Variants in LDLRAD4 observed in about 807,000 individuals in gnomAD.
LDLRAD4 encodes the protein low-density lipoprotein receptor class A domain-containing protein 4.
Under a neutral mutation model 17.0 loss-of-function variants are expected in LDLRAD4, and 5 were observed. That is an observed-to-expected ratio of 0.29 (90% confidence interval 0.15 to 0.62). LDLRAD4 has a LOEUF of 0.62. LDLRAD4 is among the 20% of genes least tolerant of loss of function. The pLI is 0.84. For synonymous variants in LDLRAD4, 168 were observed against 171.8 expected (o/e 0.98, Z 0.17); for missense variants, 340 against 424.7 (o/e 0.80, Z 1.75).
In LDLRAD4 at chr18:13,621,290, C is replaced by T. The variant is rs2040604330; in HGVS notation, c.336+19C>T. 1 of 1,598,242 alleles carries T rather than the reference C, an allele frequency of 6.3e-7. No individual in the cohort carries two copies. The highest frequency in any genetic ancestry group is 8.5e-7 in the Non-Finnish European group (1 of 1,170,044). The stretch of plus-strand genomic sequence containing the variant: ...GCCGCAGGTGAGTACCCTGGCCGCC[C>T]CGGCTCCAGAGTCAGGCAGCTGCAA... On this transcript the variant is annotated intron_variant, in intron 4 of 5. Transcript: ENST00000359446. This position sits in a 1 kb window ranked among gnomAD's most constrained non-coding sequence, Gnocchi z 5.5.
chr18:13,599,838 A>G (rs1344406690), intron 3 of LDLRAD4, among the ~76,000 whole-genome samples: 1 of 152,204 alleles, frequency 6.6e-6, no homozygotes, highest in Non-Finnish European at 1.5e-5. Flanking sequence ...TTCAAACACA[A>G]TATATATGTG....
At chr18:13,492,717 G>A (rs1394276935) in intron 3 of LDLRAD4, among the ~76,000 whole-genome samples, 1 of 152,180 alleles carries the variant, frequency 6.6e-6, no homozygotes, top group Admixed American at 6.5e-5. Flanking sequence ...AAACTCCTGA[G>A]TCACCTGGGC....
At chr18:13,477,972 T>G (rs890119337) in intron 3 of LDLRAD4, among the ~76,000 whole-genome samples, 1 of 152,140 alleles carries the variant, frequency 6.6e-6, no homozygotes, top group Non-Finnish European at 1.5e-5. Flanking sequence ...CAAAGGCAGG[T>G]GCTTTTTACT....
chr18:13,536,680 A>G (rs2094205424), intron 3 of LDLRAD4, among the ~76,000 whole-genome samples: 1 of 152,090 alleles, frequency 6.6e-6, no homozygotes, highest in Non-Finnish European at 1.5e-5. Flanking sequence ...TTAAAAAAAT[A>G]GGACATGCTT....
At position 13,383,821 on chromosome 18, in the gene LDLRAD4, C is replaced by T. The variant is rs562143243; in HGVS notation, c.-382-3520C>T. ...CTGGCCCCTTCTGGGTGGTCACAGT[C>T]TTTCACTGAGCAGAACGAAGCTTGC... On this transcript the variant is annotated intron_variant, in intron 1 of 5. Transcript: ENST00000359446. Among the ~76,000 whole-genome samples the T allele has an allele frequency of 1.3e-4, 20 of 152,326 alleles. No individual in the cohort carries two copies. The South Asian group carries it at 1.5e-3, about 11-fold the overall frequency.
In LDLRAD4 at chr18:13,650,600, C is replaced by CT. The variant is rs2043206200; in HGVS notation, c.*4949dup. The CT allele has an allele frequency of 2.4e-5, 9 of 382,904 alleles. No homozygotes were observed. In the Admixed American group the frequency reaches 2.7e-4, roughly 11 times the overall value. The allele number at this position is 382,904 out of a possible 1,614,324, so 23.7% of individuals were successfully genotyped here. On this transcript the variant is annotated 3_prime_UTR_variant, in exon 6 of 6. Transcript: ENST00000359446. ...TTGTTGTGCCTCACTTAAAATGGTGCTTTTTTCAGTTGTCTGTCTTTTCTT... is the reference window on the plus strand; with the variant it reads ...TTGTTGTGCCTCACTTAAAATGGTGCTTTTTTTCAGTTGTCTGTCTTTTCTT...
chr18:13,612,567 C>T, intron 3 of LDLRAD4: 1 of 1,459,656 alleles, frequency 6.9e-7, no homozygotes. Flanking sequence ...TCCACGCTCA[C>T]ACACTCTCCC....
chr18:13,254,142 T>C (rs1275775257), intron 1 of LDLRAD4, among the ~76,000 whole-genome samples: 1 of 152,132 alleles, frequency 6.6e-6, no homozygotes, highest in African/African-American at 2.4e-5. Context: ...AGGCAGGTGA[T>C]GGAGCTGAGG....
At chr18:13,419,303 T>C (rs574691444) in intron 2 of LDLRAD4, 1 of 152,254 alleles carries the variant, frequency 6.6e-6, no homozygotes, top group South Asian at 2.1e-4. Flanking sequence ...TAAATGATCA[T>C]CCAAAAAAGG....
intron 1 of LDLRAD4, among the ~76,000 whole-genome samples, chr18:13,225,080 C>T (rs184685363): frequency 3.9e-5 from 6 of 152,178 alleles, no homozygotes; most frequent in Non-Finnish European, 8.8e-5. Flanking sequence ...AAGTGATCCG[C>T]CCGCCTCAGC....
At chr18:13,403,533 C>T (rs542791149) in intron 2 of LDLRAD4, among the ~76,000 whole-genome samples, 66 of 152,170 alleles carry the variant, frequency 4.3e-4, no homozygotes, top group Non-Finnish European at 7.5e-4. Flanking sequence ...AAACCCACAA[C>T]GCTGTGTGAC....
At chr18:13,544,128 C>A (rs947710580) in intron 3 of LDLRAD4, among the ~76,000 whole-genome samples, 24 of 152,370 alleles carry the variant, frequency 1.6e-4, no homozygotes, top group African/African-American at 5.5e-4. Flanking sequence ...TGCTATGAAG[C>A]CACGCTGCTT....
chr18:13,437,411 A>G (rs1017897623), intron 2 of LDLRAD4, among the ~76,000 whole-genome samples: 16 of 152,256 alleles, frequency 1.1e-4, no homozygotes, highest in African/African-American at 3.9e-4. Flanking sequence ...GCTCAAGTGT[A>G]TATAATTGTG....
At chr18:13,338,542 A>G (rs1367536311) in intron 1 of LDLRAD4, among the ~76,000 whole-genome samples, 2 of 152,206 alleles carry the variant, frequency 1.3e-5, no homozygotes, top group East Asian at 3.8e-4. Flanking sequence ...TTACTATCAC[A>G]CATATGTTTA....
Position 13,645,769 on chromosome 18 carries a change from C to A in LDLRAD4, c.*112C>A. ...TTCACATGGTACAAATAAGTAAAACCAAATGAGCAAACACGGTCTTTGTTT... is the reference window on the plus strand; with the variant it reads ...TTCACATGGTACAAATAAGTAAAACAAAATGAGCAAACACGGTCTTTGTTT... On this transcript the variant is annotated 3_prime_UTR_variant, in exon 6 of 6. Coordinates refer to ENST00000359446, the Ensembl canonical transcript of LDLRAD4. The surrounding 1 kb of genome is among the most constrained non-coding windows in gnomAD (Gnocchi z 5.7). 2.8e-6 allele frequency: 2 copies of A among 712,548 alleles called. No individual in the cohort carries two copies. The highest frequency in any genetic ancestry group is 4.3e-6 in the Non-Finnish European group (2 of 469,456). 44.1% of individuals were successfully genotyped at this position (712,548 alleles called of 1,614,324 possible).
chr18:13,519,656 T>G (rs2093923641), intron 3 of LDLRAD4: 1 of 152,146 alleles, frequency 6.6e-6, no homozygotes, highest in South Asian at 2.1e-4. Flanking sequence ...TCTCAGCTAC[T>G]CGGGAGGCCA....
At position 13,551,961 on chromosome 18, in the gene LDLRAD4, G is replaced by T. The variant is rs1163585178; in HGVS notation, c.182-69156G>T. ...AGCCAGTGTGTCACATGGCAGGATG[G>T]GGAGCAAGAGGGTGACAGGGAGGTT... is the stretch of plus-strand genomic sequence containing the variant. On this transcript the variant is annotated intron_variant, in intron 3 of 5. Coordinates refer to ENST00000359446, the Ensembl canonical transcript of LDLRAD4. Among the ~76,000 whole-genome samples the T allele has an allele frequency of 2.0e-5, 3 of 152,226 alleles. No individual in the cohort carries two copies. In the East Asian group the frequency reaches 5.8e-4, roughly 29 times the overall value.
chr18:13,245,382 C>T (rs1319325015), intron 1 of LDLRAD4, among the ~76,000 whole-genome samples: 1 of 152,222 alleles, frequency 6.6e-6, no homozygotes, highest in Non-Finnish European at 1.5e-5. Context: ...GAAGTTTTTG[C>T]TGAGTTTATT....
At chr18:13,270,356 TAAA>T (rs879556881) in intron 1 of LDLRAD4, among the ~76,000 whole-genome samples, 1 of 139,528 alleles carries the variant, frequency 7.2e-6, no homozygotes, top group Admixed American at 7.2e-5. Flanking sequence ...CTCTGTCTCT[TAAA>T]AAAAAAAAAA....
Sources: gnomAD v4.1 joint callset for allele counts (sites outside exome capture counted in the v4.1 genomes callset) on GRCh38, gnomAD v4.1.1 for gene constraint, Gnocchi (gnomAD v3.1) non-coding constraint, MANE v1.5 for transcripts, NCBI Gene and HGNC (gene_info 2026-07-23, HGNC 2026-07-21) for gene names.